The following MYO1E variants were observed in gnomAD, a reference collection of about 807,000 sequenced individuals.
MYO1E encodes unconventional myosin-Ie.
Under a neutral mutation model 151.1 loss-of-function variants are expected in MYO1E, and 68 were observed. The observed-to-expected ratio is 0.45, with a 90% confidence interval of 0.37 to 0.55. MYO1E has a LOEUF of 0.55. Ranked by LOEUF, MYO1E falls within the 20% of genes least tolerant of loss-of-function variation. The pLI, the probability that MYO1E is intolerant of heterozygous loss-of-function variation, is 0.00. For synonymous variants in MYO1E, 601 were observed against 501.7 expected, an observed-to-expected ratio of 1.20 and a Z score of -2.64; for missense variants, 1,363 against 1,389.3, an observed-to-expected ratio of 0.98 and a Z score of 0.30.
chr15:59,247,230 G>A (rs1364458271), intron 4 of MYO1E, among the ~76,000 whole-genome samples: 2 of 152,116 alleles, frequency 1.3e-5, no homozygotes, highest in African/African-American at 4.8e-5. Context: ...GTATTTGTGG[G>A]GACAGAGTGA....
chr15:59,369,608 T>C (rs2080933235), intron 1 of MYO1E, among the ~76,000 whole-genome samples: 1 of 152,144 alleles, frequency 6.6e-6, no homozygotes. Context: ...ATTATAAAGA[T>C]GTGCAGGGTT....
intron 1 of MYO1E, among the ~76,000 whole-genome samples, chr15:59,294,164 T>G (rs1160236379): frequency 6.6e-6 from 1 of 152,218 alleles, no homozygotes; most frequent in Non-Finnish European, 1.5e-5. Context: ...GCTAACTATT[T>G]AAACATTTTA....
chr15:59,275,147 C>G (rs55800547), intron 1 of MYO1E, among the ~76,000 whole-genome samples: 2,842 of 152,208 alleles, frequency 0.019, 100 homozygotes, highest in African/African-American at 0.065. Context: ...CGCATCCAAA[C>G]GTGGTTTCTT....
At chr15:59,199,425 G>C (rs866061942) in intron 16 of MYO1E, among the ~76,000 whole-genome samples, 1 of 152,188 alleles carries the variant, frequency 6.6e-6, no homozygotes, top group Middle Eastern at 3.4e-3. Context: ...CTGAAAAGCT[G>C]AAATCCAAAA....
intron 1 of MYO1E, among the ~76,000 whole-genome samples, chr15:59,311,327 C>G (rs1157614333): frequency 6.6e-6 from 1 of 152,104 alleles, no homozygotes; most frequent in Non-Finnish European, 1.5e-5. Context: ...ACCTAGGTCC[C>G]TCACATGCGC....
At position 59,191,370 on chromosome 15, in the gene MYO1E, A is replaced by AGAGAG. The variant is rs1491073271; in HGVS notation, c.1806-3155_1806-3154insCTCTC. Among the ~76,000 whole-genome samples, 1,049 of 123,182 alleles carry AGAGAG rather than the reference A, an allele frequency of 8.5e-3. 13 individuals are homozygous for AGAGAG. Among genetic ancestry groups the AGAGAG allele is most frequent in the East Asian group, 0.044 (210 of 4,766 alleles). 80.8% of individuals were successfully genotyped at this position (123,182 alleles called of 152,430 possible). A position where few individuals can be genotyped will look rare whatever the true frequency, so the allele number is the denominator to read the frequency against. Reference sequence around the variant, plus strand: ...AGAGAGAGAGAGAGAGAGAGAGAGAAAGAAATGTCATGTCAATTAAAAAGG... The same window carrying AGAGAG: ...AGAGAGAGAGAGAGAGAGAGAGAGAAGAGAGAGAAATGTCATGTCAATTAAAAAGG... On this transcript the variant is annotated intron_variant, in intron 17 of 27. Transcript: ENST00000288235.
At chr15:59,189,888 A>G (rs1344830326) in intron 17 of MYO1E, among the ~76,000 whole-genome samples, 2 of 152,214 alleles carry the variant, frequency 1.3e-5, no homozygotes, top group Non-Finnish European at 2.9e-5. Flanking sequence ...AAATGGATGT[A>G]AAGAACTATT....
intron 1 of MYO1E, among the ~76,000 whole-genome samples, chr15:59,324,543 G>A (rs1217669624): frequency 2.6e-5 from 4 of 152,178 alleles, no homozygotes; most frequent in African/African-American, 9.7e-5. Context: ...AAAAGGTAGA[G>A]AAGAAGCACA....
At chr15:59,172,382 A>T (rs2079600895) in intron 21 of MYO1E, among the ~76,000 whole-genome samples, 1 of 152,192 alleles carries the variant, frequency 6.6e-6, no homozygotes, top group South Asian at 2.1e-4. Flanking sequence ...GACATGGTCA[A>T]TGTGATGACA....
chr15:59,242,504 A>G (rs34540528), intron 4 of MYO1E, among the ~76,000 whole-genome samples: 26,890 of 152,218 alleles, frequency 0.18, 3,269 homozygotes, highest in East Asian at 0.61. Context: ...AAAGTAAACG[A>G]GTCAATCAGT....
intron 4 of MYO1E, among the ~76,000 whole-genome samples, chr15:59,254,750 G>GAAA (rs2080184508): frequency 6.6e-6 from 1 of 151,968 alleles, no homozygotes; most frequent in African/African-American, 2.4e-5. Flanking sequence ...ATAAGATTGT[G>GAAA]AACTGTCAAA....
chr15:59,151,010 GACACACACACACACACACACACACACAC>G (rs60541381), intron 26 of MYO1E, among the ~76,000 whole-genome samples: 9 of 141,186 alleles, frequency 6.4e-5, no homozygotes, highest in African/African-American at 1.9e-4. Flanking sequence ...AGAGGAGAGG[GACACACACACACACACACACACACACAC>G]ACACACACAC....
intron 22 of MYO1E, among the ~76,000 whole-genome samples, chr15:59,163,986 G>A (rs1359241141): frequency 2.6e-5 from 4 of 152,178 alleles, no homozygotes; most frequent in Admixed American, 2.0e-4. Flanking sequence ...ACACCTTTGC[G>A]GGAACTGCAT....
rs201590342 is a variant in MYO1E, at chr15:59,221,855, C to CA, written c.910+1203dup. On this transcript the variant is annotated intron_variant, in intron 9 of 27. Transcript: ENST00000288235. ...TAAATTATTTTACTATCCAAGAAGG[C>CA]AAAAAAAATCCAGTCTACTTCAACA... is the stretch of plus-strand genomic sequence containing the variant. Among the ~76,000 whole-genome samples the CA allele has an allele frequency of 5.1e-4, 78 of 151,640 alleles. No homozygotes were observed. In the East Asian group the frequency reaches 0.014, roughly 27 times the overall value.
At chr15:59,153,907 AT>A (rs1390323511) in intron 25 of MYO1E, 116 bp from the exon 26 acceptor site, 1 of 958,884 alleles carries the variant, frequency 1.0e-6, no homozygotes, top group Non-Finnish European at 1.6e-6. Flanking sequence ...CTGAGTCTCA[AT>A]TTCCGCATTT....
rs145661752 is a variant in MYO1E, at chr15:59,151,928, C to T, written c.3080+1662G>A. 4.1e-4 allele frequency among the ~76,000 whole-genome samples: 61 copies of T among 150,526 alleles called. No homozygotes were observed. The East Asian group carries it at 9.7e-3, about 24-fold the overall frequency. On this transcript the variant is annotated intron_variant, in intron 26 of 27. Transcript: ENST00000288235. The stretch of plus-strand genomic sequence containing the variant: ...CACACACACACACAAATTAGCCGGG[C>T]ATGGTGGCAGGCGCCTGTAGTCCTG...
chr15:59,328,898 A>G (rs1451715583), intron 1 of MYO1E, among the ~76,000 whole-genome samples: 1 of 152,214 alleles, frequency 6.6e-6, no homozygotes, highest in Admixed American at 6.5e-5. Context: ...GGGCATTATC[A>G]TCACAATTTA....
Position 59,350,739 on chromosome 15 carries a change from A to G in MYO1E, c.3+21759T>C, listed in dbSNP as rs548832513. On this transcript the variant is annotated intron_variant, in intron 1 of 27. Transcript: ENST00000288235. This position sits in a 1 kb window ranked among gnomAD's most constrained non-coding sequence, Gnocchi z 5.0. ...GCTGTAAGAGACTGTGTGAAAACAGATAACAATGCAAGATGACATAGTTTA... is the reference window on the plus strand; with the variant it reads ...GCTGTAAGAGACTGTGTGAAAACAGGTAACAATGCAAGATGACATAGTTTA... Among the ~76,000 whole-genome samples the G allele has an allele frequency of 3.9e-5, 6 of 152,366 alleles. No individual in the cohort carries two copies. The South Asian group carries it at 8.3e-4, about 21-fold the overall frequency.
At chr15:59,296,671 C>T (rs1220584140) in intron 1 of MYO1E, among the ~76,000 whole-genome samples, 3 of 152,116 alleles carry the variant, frequency 2.0e-5, no homozygotes, top group African/African-American at 7.2e-5. Context: ...AGACCTCTTC[C>T]AGTCCTTTTA....
Sources: gnomAD v4.1 joint callset for allele counts (sites outside exome capture counted in the v4.1 genomes callset) on GRCh38, gnomAD v4.1.1 for gene constraint, Gnocchi (gnomAD v3.1) non-coding constraint, MANE v1.5 for transcripts, NCBI Gene and HGNC (gene_info 2026-07-23, HGNC 2026-07-21) for gene names.